EYS: variants seen among roughly 807,000 people sequenced by gnomAD.
The protein encoded by EYS is EGF-like photoreceptor maintenance factor.
Under a neutral mutation model 282.1 loss-of-function variants are expected in EYS, and 250 were observed. That is an observed-to-expected ratio of 0.89 (90% CI 0.80 to 0.98). The LOEUF (loss-of-function observed/expected upper bound fraction) is 0.98, where lower values mean the gene tolerates loss of function less well. Ranked by LOEUF, EYS falls within the 50% of genes least tolerant of loss-of-function variation. The pLI, the probability that EYS is intolerant of heterozygous loss-of-function variation, is 0.00. For missense variants in EYS, 4,016 were observed against 3,709.0 expected (o/e 1.08, Z -2.15); for synonymous variants, 1,355 against 1,282.9 (o/e 1.06, Z -1.20).
chr6:65,080,200 C>T (rs188131523), intron 12 of EYS, among the ~76,000 whole-genome samples: 7 of 152,062 alleles, frequency 4.6e-5, no homozygotes, highest in African/African-American at 1.4e-4. Flanking sequence ...AAGGAGCCCT[C>T]GACAGAACAC....
intron 12 of EYS, among the ~76,000 whole-genome samples, chr6:65,228,803 A>G (rs1766695540): frequency 6.6e-6 from 1 of 152,074 alleles, no homozygotes; most frequent in Non-Finnish European, 1.5e-5. Flanking sequence ...TGGTATTGGT[A>G]AGAGAGAAAG....
At chr6:64,347,261 T>A (rs555271476) in intron 29 of EYS, among the ~76,000 whole-genome samples, 7 of 151,580 alleles carry the variant, frequency 4.6e-5, no homozygotes, top group African/African-American at 1.4e-4. Flanking sequence ...AACAAACTCT[T>A]TTAAAAACAA....
intron 33 of EYS, among the ~76,000 whole-genome samples, chr6:64,032,842 A>G (rs2149831169): frequency 6.6e-6 from 1 of 152,350 alleles, no homozygotes; most frequent in East Asian, 1.9e-4. Context: ...CCCTTCTAGC[A>G]TCTCAATTTG....
At chr6:63,999,350 G>T (rs1767974810) in intron 33 of EYS, among the ~76,000 whole-genome samples, 167 bp from the exon 34 acceptor site, 1 of 152,152 alleles carries the variant, frequency 6.6e-6, no homozygotes, top group African/African-American at 2.4e-5. Flanking sequence ...GTAGATAAAA[G>T]ATGTATTTCT....
At chr6:63,851,430 C>T (rs1215507041) in intron 36 of EYS, among the ~76,000 whole-genome samples, 2 of 152,084 alleles carry the variant, frequency 1.3e-5, no homozygotes, top group South Asian at 2.1e-4. Context: ...AAGTAAAGCA[C>T]CCCTCAGCAA....
chr6:65,029,516 A>G (rs988418806), intron 13 of EYS, among the ~76,000 whole-genome samples: 1 of 152,088 alleles, frequency 6.6e-6, no homozygotes, highest in African/African-American at 2.4e-5. Flanking sequence ...AAGTTTTTCA[A>G]TAAAATTTAC....
chr6:63,876,792 C>T (rs1772984487), intron 35 of EYS, among the ~76,000 whole-genome samples: 1 of 151,998 alleles, frequency 6.6e-6, no homozygotes, highest in African/African-American at 2.4e-5. Context: ...ATTGCAACCC[C>T]TGCTTTTTTT....
At chr6:64,916,906 A>T (rs1768183836) in intron 15 of EYS, among the ~76,000 whole-genome samples, 1 of 152,260 alleles carries the variant, frequency 6.6e-6, no homozygotes. Flanking sequence ...GATTTAAAGT[A>T]CTAAAGCTGA....
At position 65,296,009 on chromosome 6, in the gene EYS, T is replaced by G; in HGVS notation, c.1877A>C (p.Asn626Thr). 1 of 1,551,266 alleles carries G rather than the reference T, an allele frequency of 6.4e-7. No individual in the cohort carries two copies. The highest frequency in any genetic ancestry group is 8.7e-7 in the Non-Finnish European group (1 of 1,146,564). ...TCTTTGCAGACCGCTACAGTTACAATTGTGCGAAAGGGCCAGGCAGAGGCC... is the reference window on the plus strand; with the variant it reads ...TCTTTGCAGACCGCTACAGTTACAAGTGTGCGAAAGGGCCAGGCAGAGGCC... ...VHGLCLALSH[N>T]CNCSGLQRYE... The change falls in exon 12 of 43, where the codon AAT becomes ACT. Residue 626 changes from asparagine to threonine, a missense_variant. Physicochemically the swap from Asn to Thr is moderately conservative, Grantham distance 65 (BLOSUM62 0). Coordinates refer to ENST00000503581, the MANE Select transcript of EYS (RefSeq NM_001142800.2).
chr6:64,768,432 A>G (rs1009758407), intron 22 of EYS, among the ~76,000 whole-genome samples: 3 of 152,206 alleles, frequency 2.0e-5, no homozygotes, highest in African/African-American at 7.2e-5. Flanking sequence ...TTTATGAGAA[A>G]TTTAAAATGG....
At chr6:64,457,049 T>C (rs1195972456) in intron 26 of EYS, among the ~76,000 whole-genome samples, 1 of 152,006 alleles carries the variant, frequency 6.6e-6, no homozygotes, top group Admixed American at 6.6e-5. Context: ...AGGTAACCCA[T>C]AGGTTTTTGT....
At chr6:64,490,454 C>T (rs947550699) in intron 26 of EYS, among the ~76,000 whole-genome samples, 1 of 150,726 alleles carries the variant, frequency 6.6e-6, no homozygotes, top group Non-Finnish European at 1.5e-5. Flanking sequence ...CAATTTTTAT[C>T]ATCAATAACA....
chr6:65,635,490 T>C lies in EYS; in HGVS notation c.-333+4288A>G, dbSNP rs140412909. On this transcript the variant is annotated intron_variant, in intron 2 of 42. Coordinates refer to ENST00000503581, the MANE Select transcript of EYS (RefSeq NM_001142800.2). ...ATATGACTTTTATCTTATTTTGTTA[T>C]TTTTATAGAGATGAGGTCTCCCTAT... Among the ~76,000 whole-genome samples the C allele has an allele frequency of 2.3e-3, 352 of 152,332 alleles. 1 individual carries two copies. The highest frequency in any genetic ancestry group is 8.1e-3 in the African/African-American group (335 of 41,576).
At chr6:65,202,187 C>T (rs964688593) in intron 12 of EYS, among the ~76,000 whole-genome samples, 3 of 151,834 alleles carry the variant, frequency 2.0e-5, no homozygotes, top group South Asian at 2.1e-4. Context: ...ATGTATCATG[C>T]TAATTTTATT....
At chr6:64,855,280 C>A (rs1766022263) in intron 19 of EYS, among the ~76,000 whole-genome samples, 1 of 151,864 alleles carries the variant, frequency 6.6e-6, no homozygotes, top group Non-Finnish European at 1.5e-5. Flanking sequence ...TTTATCTTTT[C>A]AAAATTTCTT....
intron 38 of EYS, 117 bp from the exon 39 acceptor site, chr6:63,788,366 T>A (rs758070300): frequency 2.4e-4 from 189 of 779,286 alleles, no homozygotes; most frequent in Non-Finnish European, 1.3e-4. Flanking sequence ...AAGACCTGAA[T>A]TTTGAAGAAA....
At chr6:64,358,316 T>G (rs540941007) in intron 29 of EYS, among the ~76,000 whole-genome samples, 9 of 151,742 alleles carry the variant, frequency 5.9e-5, no homozygotes, top group African/African-American at 2.2e-4. Context: ...CTTCCTGGTA[T>G]GTTAAACCTG....
At chr6:64,608,240 A>G (rs945793025) in intron 24 of EYS, among the ~76,000 whole-genome samples, 33 of 152,104 alleles carry the variant, frequency 2.2e-4, no homozygotes, top group African/African-American at 7.5e-4. Context: ...ACTATGTTGT[A>G]TCTGCCTGGA....
At chr6:64,702,774 G>A (rs989898419) in intron 22 of EYS, among the ~76,000 whole-genome samples, 6 of 152,202 alleles carry the variant, frequency 3.9e-5, no homozygotes, top group Non-Finnish European at 7.4e-5. Context: ...TATGCACTGT[G>A]AATACAGACA....
Sources: gnomAD v4.1 joint callset for allele counts (sites outside exome capture counted in the v4.1 genomes callset) on GRCh38, gnomAD v4.1.1 for gene constraint, MANE v1.5 for transcripts, NCBI Gene and HGNC (gene_info 2026-07-23, HGNC 2026-07-21) for gene names.